The following CDHR3 variants were observed in gnomAD, a reference collection of about 807,000 sequenced individuals.
CDHR3 encodes cadherin-related family member 3.
A neutral mutation model predicts 86.6 loss-of-function variants in CDHR3; 79 were observed. That is an observed-to-expected ratio of 0.91 (90% CI 0.76 to 1.10). The LOEUF (loss-of-function observed/expected upper bound fraction) is 1.10. Ranked by LOEUF, CDHR3 falls within the 50% of genes least tolerant of loss-of-function variation. CDHR3 has a pLI of 0.00. For synonymous variants in CDHR3, 421 were observed against 402.4 expected (o/e 1.05, Z -0.55); for missense variants, 1,081 against 1,077.6 (o/e 1.00, Z -0.04).
intron 8 of CDHR3, 114 bp downstream of exon 8, chr7:106,004,801 G>A: frequency 9.9e-7 from 1 of 1,014,092 alleles, no homozygotes; most frequent in Non-Finnish European, 1.5e-6. Context: ...AAACAGCTCA[G>A]TAGAATAAAT....
At chr7:105,993,571 G>A (rs1157723387) in intron 4 of CDHR3, among the ~76,000 whole-genome samples, 1 of 151,284 alleles carries the variant, frequency 6.6e-6, no homozygotes, top group Non-Finnish European at 1.5e-5. Context: ...AGCCACTCGT[G>A]AGGATGAGAT....
intron 8 of CDHR3, among the ~76,000 whole-genome samples, chr7:106,007,094 G>A (rs1469477388): frequency 6.6e-6 from 1 of 152,204 alleles, no homozygotes; most frequent in South Asian, 2.1e-4. Flanking sequence ...GCAATAGCCC[G>A]AGCTGTACCT....
At chr7:106,018,153 T>A in intron 12 of CDHR3, 81 bp downstream of exon 12, 1 of 1,133,834 alleles carries the variant, frequency 8.8e-7, no homozygotes, top group Non-Finnish European at 1.3e-6. Flanking sequence ...AGTGTGGATG[T>A]GGCAATGAGG....
intron 1 of CDHR3, among the ~76,000 whole-genome samples, chr7:105,965,562 G>GCCCC (rs372930710): frequency 0.013 from 730 of 56,058 alleles, 20 homozygotes; most frequent in East Asian, 0.075. Flanking sequence ...CCCAACTCAA[G>GCCCC]CCCCACCCCC....
chr7:106,026,033 T>C (rs1424730276), intron 15 of CDHR3, among the ~76,000 whole-genome samples: 3 of 152,226 alleles, frequency 2.0e-5, no homozygotes, highest in African/African-American at 7.2e-5. Flanking sequence ...ACCTGGTTCT[T>C]TTAACTTATG....
intron 6 of CDHR3, among the ~76,000 whole-genome samples, chr7:106,000,330 T>C (rs561422913): frequency 1.3e-5 from 2 of 152,280 alleles, no homozygotes; most frequent in South Asian, 4.1e-4. Context: ...AGGGTTGGGG[T>C]GAAGCCCTGG....
rs144975716 is a variant in CDHR3 at position 105,971,727 on chromosome 7, T to C, written c.47-3117T>C. Among the ~76,000 whole-genome samples the C allele has an allele frequency of 1.5e-3, 227 of 152,126 alleles. 1 individual carries two copies. Among genetic ancestry groups the C allele is most frequent in the Middle Eastern group, 6.8e-3 (2 of 294 alleles). On this transcript the variant is annotated intron_variant, in intron 1 of 18. Coordinates refer to ENST00000317716, the MANE Select transcript of CDHR3 (RefSeq NM_152750.5). The stretch of plus-strand genomic sequence containing the variant: ...GCTCCCCAAAGGAGCTGCACTAAGG[T>C]TGGGAGGCACAGTGATCTCTCCACT...
At chr7:105,973,768 A>T (rs937746909) in intron 1 of CDHR3, among the ~76,000 whole-genome samples, 8 of 152,116 alleles carry the variant, frequency 5.3e-5, no homozygotes, top group Non-Finnish European at 1.2e-4. Flanking sequence ...GGAGTTCAAG[A>T]CCAACCTGGC....
rs765514072 is a variant in CDHR3, at chr7:106,012,880, C to A, written c.1073C>A (p.Thr358Lys). The A allele has an allele frequency of 5.0e-6, 8 of 1,606,322 alleles. No individual in the cohort carries two copies. In the South Asian group the frequency reaches 8.9e-5, roughly 18 times the overall value. The stretch of plus-strand genomic sequence containing the variant: ...ACCAGCATTATGGTGCCGGAAAGAA[C>A]AGCCAAGGGGACGTTGCTTCTTGAC... ...FTFSIMVPER[T>K]AKGTLLLDLN... Residue 358 changes from threonine to lysine, a missense_variant, in exon 9 of 19, where the codon ACA (threonine) becomes AAA (lysine). Physicochemically the swap from Thr to Lys is moderately conservative, Grantham distance 78. Transcript: ENST00000317716.
chr7:106,012,728 A>G, intron 8 of CDHR3, 132 bp from the exon 9 acceptor site: 2 of 936,656 alleles, frequency 2.1e-6, no homozygotes, highest in East Asian at 5.2e-5. Context: ...ACCAGTTAGG[A>G]GGTGACTGCA....
At chr7:105,978,732 G>A (rs1375504572) in intron 2 of CDHR3, among the ~76,000 whole-genome samples, 1 of 152,176 alleles carries the variant, frequency 6.6e-6, no homozygotes, top group African/African-American at 2.4e-5. Flanking sequence ...AACGAGAACA[G>A]TTTTTCCATT....
chr7:105,981,079 G>C lies in CDHR3; in HGVS notation c.361G>C (p.Val121Leu), dbSNP rs1201514408. 1 of 1,613,550 alleles carries C rather than the reference G, an allele frequency of 6.2e-7. No homozygotes were observed. The highest frequency in any genetic ancestry group is 8.5e-7 in the Non-Finnish European group (1 of 1,179,762). ...VGVTDLQVLT[V>L]QVTDVNEPPQ... ...TGTCACAGACCTGCAAGTCCTGACT[G>C]TCCAGGTAACAGATGTGAACGAGCC... is the stretch of plus-strand genomic sequence containing the variant. The change falls in exon 3 of 19, where the codon GTC becomes CTC. Residue 121 changes from valine to leucine, a missense_variant. By Grantham distance (32) the Val-to-Leu change is conservative. Transcript: ENST00000317716.
At chr7:105,978,013 T>C (rs773487948) in intron 2 of CDHR3, among the ~76,000 whole-genome samples, 9 of 152,218 alleles carry the variant, frequency 5.9e-5, no homozygotes, top group Non-Finnish European at 1.3e-4. Context: ...AAGAATGCTA[T>C]GAAGTGGTGT....
Position 105,996,255 on chromosome 7 carries a change from A to G in CDHR3, c.614A>G (p.His205Arg), listed in dbSNP as rs1386945395. 8 of 1,568,974 alleles carry G rather than the reference A, an allele frequency of 5.1e-6. No homozygotes were observed. The highest frequency in any genetic ancestry group is 3.4e-5 in the Admixed American group (2 of 59,412). Reference sequence around the variant, plus strand: ...GTGGAATGTTTCCCTGGCAGTTTCCATCTCATCGTGGAGGTGAGGGACAGT... The same window carrying G: ...GTGGAATGTTTCCCTGGCAGTTTCCGTCTCATCGTGGAGGTGAGGGACAGT... ...LDFEAGHRSFHLIVEVRDSGG... is the reference protein window; with the variant it reads ...LDFEAGHRSFRLIVEVRDSGG... The change falls in exon 6 of 19, where the codon CAT becomes CGT. Residue 205 changes from histidine (H) to arginine (R), a missense_variant. Physicochemically the swap from His to Arg is conservative, Grantham distance 29. Coordinates refer to ENST00000317716, the MANE Select transcript of CDHR3 (RefSeq NM_152750.5).
At chr7:105,975,686 C>T (rs567435704) in intron 2 of CDHR3, among the ~76,000 whole-genome samples, 175 of 152,290 alleles carry the variant, frequency 1.1e-3, no homozygotes, top group African/African-American at 3.9e-3. Flanking sequence ...TTCTTGCATG[C>T]TTTCCACTGG....
At chr7:105,990,695 A>C (rs1161028480) in intron 4 of CDHR3, among the ~76,000 whole-genome samples, 1 of 149,772 alleles carries the variant, frequency 6.7e-6, no homozygotes, top group Non-Finnish European at 1.5e-5. Flanking sequence ...ATTCTATAAA[A>C]GACAAGAAGC....
chr7:105,998,217 G>A (rs1241530196), intron 6 of CDHR3, among the ~76,000 whole-genome samples: 2 of 152,190 alleles, frequency 1.3e-5, no homozygotes, highest in East Asian at 1.9e-4. Flanking sequence ...TAGCACTAAC[G>A]ATAACTTCTT....
chr7:106,032,342 A>C, intron 18 of CDHR3, 51 bp from the exon 19 acceptor site: 1 of 1,518,774 alleles, frequency 6.6e-7, no homozygotes, highest in Non-Finnish European at 8.9e-7. Context: ...GGGAAGAGAC[A>C]GTCATTGGAA....
Position 106,018,019 on chromosome 7 carries a change from A to G in CDHR3, c.1600A>G (p.Ile534Val), listed in dbSNP as rs771440664. 1.2e-5 allele frequency: 19 copies of G among 1,613,894 alleles called. No individual in the cohort carries two copies. The Admixed American group carries it at 2.0e-4, about 17-fold the overall frequency. ...VTKVDCETTP[I>V]YILRIQATNN... is the part of the protein sequence containing the mutation. ...TAAAGTGGACTGTGAAACAACCCCCATCTATATTCTCAGAATCCAGGCCAC... is the reference window on the plus strand; with the variant it reads ...TAAAGTGGACTGTGAAACAACCCCCGTCTATATTCTCAGAATCCAGGCCAC... The change falls in exon 12 of 19, where the codon ATC becomes GTC. Residue 534 changes from isoleucine (I) to valine (V), a missense_variant. Transcript: ENST00000317716.
Sources: gnomAD v4.1 joint callset for allele counts (sites outside exome capture counted in the v4.1 genomes callset) on GRCh38, gnomAD v4.1.1 for gene constraint, MANE v1.5 for transcripts, NCBI Gene and HGNC (gene_info 2026-07-23, HGNC 2026-07-21) for gene names.